The following IREB2 variants were observed in gnomAD, a reference collection of about 807,000 sequenced individuals.
IREB2 encodes iron responsive element binding protein 2, also known as iron-responsive element-binding protein 2.
A neutral mutation model predicts 118.8 loss-of-function variants in IREB2; 39 were observed. The ratio of observed to expected loss-of-function variants is 0.33; its 90% CI spans 0.25 to 0.43. The LOEUF (loss-of-function observed/expected upper bound fraction) is 0.43, where lower values mean the gene tolerates loss of function less well. Among genes scored for constraint, IREB2 ranks in the 20% least tolerant of loss-of-function variants. IREB2 has a pLI of 1.00. For missense variants in IREB2, 900 were observed against 1,147.3 expected (o/e 0.78, Z 3.11); for synonymous variants, 372 against 392.2 (o/e 0.95, Z 0.61).
intron 15 of IREB2, 83 bp from the exon 16 acceptor site, chr15:78,488,564 T>G: frequency 7.4e-7 from 1 of 1,343,600 alleles, no homozygotes; most frequent in Non-Finnish European, 1.0e-6. Flanking sequence ...ATTTACTTGA[T>G]TTCCATGATA....
Position 78,439,708 on chromosome 15 carries a change from C to G in IREB2, c.20-87C>G, listed in dbSNP as rs911716757. The G allele has an allele frequency of 6.8e-6, 5 of 740,498 alleles. No individual in the cohort carries two copies. In the African/African-American group the frequency reaches 7.2e-5, roughly 11 times the overall value. 45.9% of individuals were successfully genotyped at this position (740,498 alleles called of 1,614,324 possible). A position where few individuals can be genotyped will look rare whatever the true frequency, so the allele number is the denominator to read the frequency against. ...AATATTTTTACCATTGCAGAAAATT[C>G]TATTGGATAAAGCTAGTTTCCAGGT... On this transcript the variant is annotated intron_variant, in intron 1 of 21. Coordinates refer to ENST00000258886, the MANE Select transcript of IREB2 (RefSeq NM_004136.4).
At position 78,438,243 on chromosome 15, in the gene IREB2, C is replaced by A; in HGVS notation, c.-95C>A. 2 of 950,598 alleles carry A rather than the reference C, an allele frequency of 2.1e-6. No homozygotes were observed. Among genetic ancestry groups the A allele is most frequent in the Non-Finnish European group, 3.3e-6 (2 of 598,538 alleles). 58.9% of individuals were successfully genotyped at this position (950,598 alleles called of 1,614,324 possible). A position where few individuals can be genotyped will look rare whatever the true frequency, so the allele number is the denominator to read the frequency against. On this transcript the variant is annotated 5_prime_UTR_variant, in exon 1 of 22. Transcript: ENST00000258886. ...GCCTGCTTCCTTCTTTCCTCCCTTGCCAGTCCGCCTGTCTTCCTCCCCGTC... is the reference window on the plus strand; with the variant it reads ...GCCTGCTTCCTTCTTTCCTCCCTTGACAGTCCGCCTGTCTTCCTCCCCGTC...
At chr15:78,456,324 A>G (rs1254386994) in intron 2 of IREB2, among the ~76,000 whole-genome samples, 4 of 152,068 alleles carry the variant, frequency 2.6e-5, no homozygotes, top group Admixed American at 6.5e-5. Context: ...ATTTAGACAA[A>G]TTTGAGATAG....
intron 5 of IREB2, among the ~76,000 whole-genome samples, chr15:78,467,418 G>A (rs546551800): frequency 6.6e-5 from 10 of 152,260 alleles, no homozygotes; most frequent in South Asian, 2.1e-4. Context: ...ATGGCCAGGC[G>A]CGGTGGCGCA....
intron 6 of IREB2, among the ~76,000 whole-genome samples, chr15:78,471,193 G>T (rs919721255): frequency 2.6e-5 from 4 of 152,006 alleles, no homozygotes; most frequent in Middle Eastern, 3.4e-3. Context: ...ATTTTTAGTA[G>T]AGACGGGGTT....
rs140323929 is a variant in IREB2, at chr15:78,453,574, G to A, written c.107-9348G>A. 4.3e-3 allele frequency among the ~76,000 whole-genome samples: 649 copies of A among 152,288 alleles called. 2 individuals carry two copies. Among genetic ancestry groups the A allele is most frequent in the Middle Eastern group, 6.8e-3 (2 of 294 alleles). ...CTCTTGAGTCCTAAAATGGTTAATG[G>A]AAATAGGATGCAAAACTCCTATAGA... On this transcript the variant is annotated intron_variant, in intron 2 of 21. Coordinates refer to ENST00000258886, the MANE Select transcript of IREB2 (RefSeq NM_004136.4).
chr15:78,448,797 C>CTA lies in IREB2; in HGVS notation c.106+8917_106+8918insAT, dbSNP rs2050975003. 2.0e-5 allele frequency among the ~76,000 whole-genome samples: 3 copies of CTA among 152,188 alleles called. No individual in the cohort carries two copies. The South Asian group carries it at 6.2e-4, about 32-fold the overall frequency. On this transcript the variant is annotated intron_variant, in intron 2 of 21. Coordinates refer to ENST00000258886, the MANE Select transcript of IREB2 (RefSeq NM_004136.4). ...AGTCTGGACTCCAAAGATGGAATCT[C>CTA]TTTGAGGGCTTTTGGCAGGCCTAGA...
At chr15:78,473,101 A>G (rs1235127405) in intron 7 of IREB2, 141 bp from the exon 8 acceptor site, 1 of 706,804 alleles carries the variant, frequency 1.4e-6, no homozygotes, top group Non-Finnish European at 2.4e-6. Flanking sequence ...CCTTGGGTTC[A>G]GTGTCCACAT....
chr15:78,469,680 T>C (rs1440904070), intron 5 of IREB2, among the ~76,000 whole-genome samples: 1 of 151,904 alleles, frequency 6.6e-6, no homozygotes, highest in African/African-American at 2.4e-5. Context: ...GCCGAGATCA[T>C]GTCATTGCAC....
At chr15:78,450,794 G>T (rs942566634) in intron 2 of IREB2, among the ~76,000 whole-genome samples, 4 of 151,120 alleles carry the variant, frequency 2.6e-5, no homozygotes, top group Non-Finnish European at 5.9e-5. Flanking sequence ...CAGCTCCTAA[G>T]TTGAGAGGGC....
At chr15:78,481,818 G>C (rs2051578913) in intron 10 of IREB2, 1 of 151,644 alleles carries the variant, frequency 6.6e-6, no homozygotes, top group Non-Finnish European at 1.5e-5. Context: ...TGTCTCTTAA[G>C]AAAAAAACAA....
rs116931459 is a variant in IREB2 at position 78,483,756 on chromosome 15, A to G, written c.1413+322A>G. On this transcript the variant is annotated intron_variant, in intron 11 of 21. Coordinates refer to ENST00000258886, the MANE Select transcript of IREB2 (RefSeq NM_004136.4). The stretch of plus-strand genomic sequence containing the variant: ...GGTCTTGTATTGATGAACAGCATAG[A>G]TAATTGAATAGTTACATCATCACAG... 4.8e-4 allele frequency among the ~76,000 whole-genome samples: 73 copies of G among 152,074 alleles called. 2 individuals are homozygous for G. The East Asian group carries it at 0.014, about 29-fold the overall frequency.
At chr15:78,459,460 G>C (rs945087069) in intron 2 of IREB2, among the ~76,000 whole-genome samples, 5 of 152,024 alleles carry the variant, frequency 3.3e-5, no homozygotes, top group African/African-American at 9.7e-5. Flanking sequence ...AGCAATTCTT[G>C]AGCCTCAGCC....
In IREB2 at chr15:78,459,420, G is replaced by A. The variant is rs188346489; in HGVS notation, c.107-3502G>A. On this transcript the variant is annotated intron_variant, in intron 2 of 21. Transcript: ENST00000258886. Reference sequence around the variant, plus strand: ...GCTGGAGTGCAGTGGCAAGGTCTCCGCTCGGTGTAGAATCTGCCTCCTGGG... The same window carrying A: ...GCTGGAGTGCAGTGGCAAGGTCTCCACTCGGTGTAGAATCTGCCTCCTGGG... Among the ~76,000 whole-genome samples, 890 of 152,154 alleles carry A rather than the reference G, an allele frequency of 5.8e-3. 12 individuals carry two copies. Among genetic ancestry groups the A allele is most frequent in the Non-Finnish European group, 5.4e-3 (369 of 67,998 alleles).
At chr15:78,469,787 G>A (rs1329835235) in intron 5 of IREB2, among the ~76,000 whole-genome samples, 1 of 152,126 alleles carries the variant, frequency 6.6e-6, no homozygotes, top group African/African-American at 2.4e-5. Flanking sequence ...GGTCCCTGGA[G>A]GACACGTATA....
chr15:78,452,365 C>A (rs537359867), intron 2 of IREB2, among the ~76,000 whole-genome samples: 2 of 152,238 alleles, frequency 1.3e-5, no homozygotes, highest in South Asian at 2.1e-4. Flanking sequence ...AACATGTTCA[C>A]CTCCTGAATC....
In IREB2 at chr15:78,488,698, GAGA is replaced by G. The variant is rs1566993557; in HGVS notation, c.2009_2011del (p.Glu670del). ...TACCTGCATGATATTTGGCCTAGTCGAGAAGAAGTTCATCGAGTAGAGGAAGAA... is the reference window on the plus strand; with the variant it reads ...TACCTGCATGATATTTGGCCTAGTCGAGAAGTTCATCGAGTAGAGGAAGAA... On this transcript the variant is annotated inframe_deletion, in exon 16 of 22. Coordinates refer to ENST00000258886, the MANE Select transcript of IREB2 (RefSeq NM_004136.4). 6.2e-7 allele frequency: 1 copy of G among 1,610,900 alleles called. No homozygotes were observed. The highest frequency in any genetic ancestry group is 8.5e-7 in the Non-Finnish European group (1 of 1,177,438).
At position 78,487,596 on chromosome 15, in the gene IREB2, T is replaced by C. The variant is rs112313443; in HGVS notation, c.1710-137T>C. 3,665 of 564,060 alleles carry C rather than the reference T, an allele frequency of 6.5e-3. 121 individuals are homozygous for C. The highest frequency in any genetic ancestry group is 0.06 in the African/African-American group (3,120 of 51,594). The allele number at this position is 564,060 out of a possible 1,614,324, so 34.9% of individuals were successfully genotyped here. A position where few individuals can be genotyped will look rare whatever the true frequency, so the allele number is the denominator to read the frequency against. On this transcript the variant is annotated intron_variant, in intron 13 of 21. Coordinates refer to ENST00000258886, the MANE Select transcript of IREB2 (RefSeq NM_004136.4). ...CTCAGAATCTTCTGAGGTGAATATA[T>C]TGATGAAGGTTAATCCATGTGTCAT...
intron 7 of IREB2, 27 bp downstream of exon 7, chr15:78,471,951 TTTC>T: frequency 6.8e-7 from 1 of 1,478,630 alleles, no homozygotes; most frequent in Non-Finnish European, 9.1e-7. Flanking sequence ...ATATATTTCA[TTTC>T]TTTTGGGGTA....
Sources: allele counts gnomAD v4.1 joint callset (sites outside exome capture counted in the v4.1 genomes callset), GRCh38; gene constraint gnomAD v4.1.1; transcripts MANE v1.5; gene names NCBI Gene and HGNC (gene_info 2026-07-23, HGNC 2026-07-21).